The following SECISBP2 variants were observed in gnomAD, a reference collection of about 807,000 sequenced individuals.
SECISBP2 encodes the protein selenocysteine insertion sequence-binding protein 2.
In SECISBP2, 96 loss-of-function variants were observed where a neutral mutation model predicts 98.2. The ratio of observed to expected loss-of-function variants is 0.98; its 90% CI spans 0.83 to 1.16. The LOEUF is 1.16. Ranked by LOEUF, SECISBP2 falls within the 50% of genes most tolerant of loss-of-function variation. The pLI, the probability that SECISBP2 is intolerant of heterozygous loss-of-function variation, is 0.00. For synonymous variants in SECISBP2, 407 were observed against 370.2 expected, an observed-to-expected ratio of 1.10 and a Z score of -1.14; for missense variants, 1,046 against 1,022.9, an observed-to-expected ratio of 1.02 and a Z score of -0.31.
chr9:89,345,163 C>T (rs996813536), intron 10 of SECISBP2, among the ~76,000 whole-genome samples: 2 of 152,202 alleles, frequency 1.3e-5, no homozygotes, highest in Admixed American at 6.5e-5. Context: ...ATCCCTATAG[C>T]GAGTCTTCCC....
At chr9:89,338,312 A>T in intron 7 of SECISBP2, 146 bp from the exon 8 acceptor site, 1 of 961,874 alleles carries the variant, frequency 1.0e-6, no homozygotes, top group Non-Finnish European at 1.5e-6. Context: ...CTGGCTTTTT[A>T]AAAAACAGGG....
At position 89,349,787 on chromosome 9, in the gene SECISBP2, A is replaced by G. The variant is rs1830987993; in HGVS notation, c.1750A>G (p.Met584Val). 1 of 1,614,030 alleles carries G rather than the reference A, an allele frequency of 6.2e-7. No individual in the cohort carries two copies. The highest frequency in any genetic ancestry group is 8.5e-7 in the Non-Finnish European group (1 of 1,180,038). The change falls in exon 13 of 17, where the codon ATG becomes GTG. Residue 584 changes from methionine (M) to valine (V), a missense_variant. Physicochemically the swap from Met to Val is conservative, Grantham distance 21. Transcript: ENST00000375807. ...TTTCCTCCATGAAGGGCCAGAGGGG[A>G]TGGACGAACTGATCTCCACTCCTTC... is the stretch of plus-strand genomic sequence containing the variant. Reference protein sequence around the residue: ...EQAELSGPEGMDELISTPSVE... With the variant: ...EQAELSGPEGVDELISTPSVE...
At chr9:89,326,134 A>G (rs181523350) in intron 4 of SECISBP2, 96 bp downstream of exon 4, 29 of 1,447,830 alleles carry the variant, frequency 2.0e-5, no homozygotes, top group Middle Eastern at 1.7e-4. Flanking sequence ...GGGCTTGTTC[A>G]TTGTGACTAC....
At chr9:89,341,756 A>G (rs945185583) in intron 10 of SECISBP2, among the ~76,000 whole-genome samples, 2 of 152,220 alleles carry the variant, frequency 1.3e-5, no homozygotes, top group Non-Finnish European at 2.9e-5. Flanking sequence ...TCCACATGCT[A>G]AAGAATAGTC....
At chr9:89,339,758 C>T in intron 8 of SECISBP2, 106 bp from the exon 9 acceptor site, 3 of 782,330 alleles carry the variant, frequency 3.8e-6, no homozygotes, top group Admixed American at 2.1e-5. Flanking sequence ...TTTTTTAAAT[C>T]ACTTTTAAGG....
At chr9:89,361,614 A>G (rs1832771949), downstream of SECISBP2, 1 of 152,230 alleles carries the variant, frequency 6.6e-6, no homozygotes, top group African/African-American at 2.4e-5. Flanking sequence ...TCGTCAAGAA[A>G]TTTAATATGG....
At chr9:89,335,353 T>C (rs1201522594) in intron 7 of SECISBP2, among the ~76,000 whole-genome samples, 1 of 152,138 alleles carries the variant, frequency 6.6e-6, no homozygotes, top group African/African-American at 2.4e-5. Flanking sequence ...CTTTGTTTTT[T>C]AGATGGGGTC....
In SECISBP2 at chr9:89,358,131, C is replaced by G; in HGVS notation, c.2401C>G (p.Pro801Ala). The G allele has an allele frequency of 6.2e-7, 1 of 1,613,808 alleles. No homozygotes were observed. The highest frequency in any genetic ancestry group is 8.5e-7 in the Non-Finnish European group (1 of 1,179,942). Residue 801 changes from proline to alanine, a missense_variant, in exon 16 of 17, where the codon CCC becomes GCC. Pro to Ala is a conservative substitution (Grantham distance 27, BLOSUM62 -1). Coordinates refer to ENST00000375807, the MANE Select transcript of SECISBP2 (RefSeq NM_024077.5). Reference sequence around the variant, plus strand: ...ACCTCCCAGCCTACCCACACAGGGCCCCAGCTGCCCTGCAGAAGATGGCCC... The same window carrying G: ...ACCTCCCAGCCTACCCACACAGGGCGCCAGCTGCCCTGCAGAAGATGGCCC... ...QAPPSLPTQG[P>A]SCPAEDGPPA...
chr9:89,325,853 T>C, intron 3 of SECISBP2, 44 bp from the exon 4 acceptor site: 1 of 1,612,444 alleles, frequency 6.2e-7, no homozygotes, highest in Non-Finnish European at 8.5e-7. Context: ...ACCTTTTTTA[T>C]AGTGGTGGTT....
intron 2 of SECISBP2, among the ~76,000 whole-genome samples, chr9:89,320,928 T>G (rs570533885): frequency 2.6e-4 from 39 of 152,374 alleles, no homozygotes; most frequent in African/African-American, 8.7e-4. Flanking sequence ...GCCTGCATGA[T>G]GTAATTGAAA....
intron 7 of SECISBP2, among the ~76,000 whole-genome samples, chr9:89,337,136 G>A (rs1337256621): frequency 6.6e-6 from 1 of 152,072 alleles, no homozygotes; most frequent in Non-Finnish European, 1.5e-5. Flanking sequence ...TTCCTAATAT[G>A]CAGTTAGCAT....
chr9:89,349,825 G>C lies in SECISBP2; in HGVS notation c.1788G>C (p.Lys596Asn), dbSNP rs776829505. Residue 596 changes from lysine to asparagine, a missense_variant, in exon 13 of 17, where the codon AAG becomes AAC. By Grantham distance (94) the Lys-to-Asn change is moderately conservative. Transcript: ENST00000375807. ...TCTCCACTCCTTCGGTTGAGGACAA[G>C]TCTGAAGAGCCACCAGGCACAGAGC... ...ELISTPSVED[K>N]SEEPPGTELQ... 6.2e-7 allele frequency: 1 copy of C among 1,614,224 alleles called. No individual in the cohort carries two copies. The highest frequency in any genetic ancestry group is 8.5e-7 in the Non-Finnish European group (1 of 1,180,040).
At chr9:89,349,256 A>C (rs918685694) in intron 12 of SECISBP2, among the ~76,000 whole-genome samples, 3 of 152,238 alleles carry the variant, frequency 2.0e-5, no homozygotes, top group African/African-American at 7.2e-5. Context: ...AGTTGGGGAC[A>C]GTAAGCTATC....
At position 89,349,759 on chromosome 9, in the gene SECISBP2, C is replaced by T. The variant is rs528511940; in HGVS notation, c.1739-17C>T. ...GGGCCTCACAGATATCTGATGATGC[C>T]TTTTTCCTCCATGAAGGGCCAGAGG... On this transcript the variant is annotated splice_polypyrimidine_tract_variant and intron_variant, in intron 12 of 16. Coordinates refer to ENST00000375807, the MANE Select transcript of SECISBP2 (RefSeq NM_024077.5). 7 of 1,613,932 alleles carry T rather than the reference C, an allele frequency of 4.3e-6. No individual in the cohort carries two copies. In the South Asian group the frequency reaches 7.7e-5, roughly 18 times the overall value.
rs779616496 is a variant in SECISBP2, at chr9:89,341,498, C to T, written c.1435+19C>T. ...GTCTCAGGTAAGAGAGTCTTTCCAT[C>T]TCAGGCAAGTGATTGGAAGTCTTTT... On this transcript the variant is annotated intron_variant, in intron 10 of 16. Coordinates refer to ENST00000375807, the MANE Select transcript of SECISBP2 (RefSeq NM_024077.5). 3.7e-6 allele frequency: 6 copies of T among 1,613,634 alleles called. No individual in the cohort carries two copies. The highest frequency in any genetic ancestry group is 5.1e-6 in the Non-Finnish European group (6 of 1,179,792).
chr9:89,349,885 C>T lies in SECISBP2; in HGVS notation c.1848C>T (p.Pro616=), dbSNP rs1201716018. Residue 616 remains proline (P), a synonymous_variant, in exon 13 of 17, where the codon CCC becomes CCT. Coordinates refer to ENST00000375807, the MANE Select transcript of SECISBP2 (RefSeq NM_024077.5). ...QRDTEASHLA[P]NHTTFPKIHS... ...ACACAGAGGCCTCCCACCTTGCTCC[C>T]AATCACACCACCTTCCCTAAGATCC... The T allele has an allele frequency of 3.7e-6, 6 of 1,614,226 alleles. No individual in the cohort carries two copies. The highest frequency in any genetic ancestry group is 4.2e-6 in the Non-Finnish European group (5 of 1,180,032).
intron 5 of SECISBP2, chr9:89,329,913 A>C (rs1218603276): frequency 6.6e-6 from 1 of 152,214 alleles, no homozygotes; most frequent in African/African-American, 2.4e-5. Context: ...GAAAAAAAAG[A>C]CTTTTATAAA....
intron 14 of SECISBP2, chr9:89,356,947 G>A: frequency 3.8e-6 from 1 of 261,230 alleles, no homozygotes. Flanking sequence ...TCTCTCTGGT[G>A]CACCAGCCTT....
At chr9:89,337,425 C>T (rs1449976406) in intron 7 of SECISBP2, among the ~76,000 whole-genome samples, 2 of 152,162 alleles carry the variant, frequency 1.3e-5, no homozygotes, top group African/African-American at 4.8e-5. Flanking sequence ...GGTCATCTCT[C>T]CCATACTTTT....
Sources: allele counts gnomAD v4.1 joint callset (sites outside exome capture counted in the v4.1 genomes callset), GRCh38; gene constraint gnomAD v4.1.1; transcripts MANE v1.5; gene names NCBI Gene and HGNC (gene_info 2026-07-23, HGNC 2026-07-21).